C10orf88: variants seen among roughly 807,000 people sequenced by gnomAD.
C10orf88 encodes ATPase PAAT.
C10orf88 carries 29 observed loss-of-function variants against 34.2 expected under a neutral mutation model. The observed-to-expected ratio is 0.85, with a 90% confidence interval of 0.63 to 1.16. C10orf88 has a LOEUF of 1.16. Ranked by LOEUF, C10orf88 falls within the 50% of genes most tolerant of loss-of-function variation. The pLI, the probability that C10orf88 is intolerant of heterozygous loss-of-function variation, is 0.00. For missense variants in C10orf88, 507 were observed against 533.2 expected (o/e 0.95, Z 0.48); for synonymous variants, 194 against 197.4 (o/e 0.98, Z 0.15).
intron 4 of C10orf88, among the ~76,000 whole-genome samples, chr10:122,945,172 A>C (rs140358703): frequency 6.6e-6 from 1 of 151,988 alleles, no homozygotes; most frequent in South Asian, 2.1e-4. Context: ...GTGGTCCCAT[A>C]AGATTACAAT....
chr10:122,934,157 T>C (rs1848511878), intron 5 of C10orf88, among the ~76,000 whole-genome samples: 1 of 152,204 alleles, frequency 6.6e-6, no homozygotes, highest in Non-Finnish European at 1.5e-5. Context: ...AATGGTCACA[T>C]CTTATCTACC....
intron 3 of C10orf88, 107 bp downstream of exon 3, chr10:122,951,847 C>G (rs1848693043): frequency 1.0e-5 from 7 of 699,574 alleles, no homozygotes; most frequent in South Asian, 8.4e-5. Flanking sequence ...AAAAAAAAAG[C>G]AAGCAAGCAA....
At chr10:122,937,030 C>A (rs188071024) in intron 5 of C10orf88, among the ~76,000 whole-genome samples, 214 of 152,026 alleles carry the variant, frequency 1.4e-3, no homozygotes, top group Non-Finnish European at 2.1e-3. Context: ...CATCCAACTA[C>A]CTCATTTTCA....
chr10:122,934,981 G>C (rs955173416), intron 5 of C10orf88, among the ~76,000 whole-genome samples: 1 of 151,856 alleles, frequency 6.6e-6, no homozygotes, highest in African/African-American at 2.4e-5. Flanking sequence ...CTATTCTTTT[G>C]CCCATGGTTT....
At chr10:122,937,352 C>T (rs1363351624) in intron 5 of C10orf88, among the ~76,000 whole-genome samples, 5 of 151,944 alleles carry the variant, frequency 3.3e-5, no homozygotes, top group African/African-American at 1.2e-4. Flanking sequence ...GCTTAACATA[C>T]CCAGGCACAA....
chr10:122,942,976 TC>T (rs1848600498), intron 4 of C10orf88, among the ~76,000 whole-genome samples: 1 of 150,208 alleles, frequency 6.7e-6, no homozygotes, highest in Non-Finnish European at 1.5e-5. Context: ...TTCAATGCCA[TC>T]CCCATCAAGC....
chr10:122,951,926 T>C (rs146050277), intron 3 of C10orf88, 28 bp downstream of exon 3: 106 of 1,403,924 alleles, frequency 7.6e-5, no homozygotes, highest in Non-Finnish European at 6.0e-5. Context: ...AACTTAGTTG[T>C]CAAATTAGTT....
chr10:122,941,376 C>T (rs1848579733), intron 4 of C10orf88, among the ~76,000 whole-genome samples: 1 of 152,138 alleles, frequency 6.6e-6, no homozygotes, highest in Non-Finnish European at 1.5e-5. Context: ...ATTTCAGACT[C>T]ACAAAACTTG....
intron 4 of C10orf88, among the ~76,000 whole-genome samples, chr10:122,941,574 C>A (rs1589695359): frequency 6.6e-6 from 1 of 152,052 alleles, no homozygotes; most frequent in East Asian, 1.9e-4. Flanking sequence ...ATTTTATGTG[C>A]AGAAAGTTAC....
rs750250448 is a variant in C10orf88 at position 122,954,173 on chromosome 10, C to T, written c.6G>A (p.Glu2=). Residue 2 remains glutamate (E), a synonymous_variant, in exon 1 of 6, where the codon GAG becomes GAA. Coordinates refer to ENST00000481909, the MANE Select transcript of C10orf88 (RefSeq NM_024942.4). M[E]TRTEDGGLTR... is the part of the protein sequence containing the mutation. Reference sequence around the variant, plus strand: ...TGAGGCCCCCGTCCTCGGTCCGCGTCTCCATTCCGCCGCCTTCAGTCAGGC... The same window carrying T: ...TGAGGCCCCCGTCCTCGGTCCGCGTTTCCATTCCGCCGCCTTCAGTCAGGC... 1.3e-6 allele frequency: 2 copies of T among 1,566,430 alleles called. No individual in the cohort carries two copies. Among genetic ancestry groups the T allele is most frequent in the East Asian group, 2.5e-5 (1 of 40,422 alleles).
At chr10:122,941,440 G>A (rs140785281) in intron 4 of C10orf88, among the ~76,000 whole-genome samples, 144 of 152,234 alleles carry the variant, frequency 9.5e-4, no homozygotes, top group African/African-American at 3.2e-3. Flanking sequence ...CAAGGCACAG[G>A]TAAGCCAGAG....
At position 122,954,175 on chromosome 10, in the gene C10orf88, C is replaced by A; in HGVS notation, c.4G>T (p.Glu2Ter). ...AGGCCCCCGTCCTCGGTCCGCGTCT[C>A]CATTCCGCCGCCTTCAGTCAGGCCA... The part of the protein sequence containing the change: M[E>*]TRTEDGGLTR... The change falls in exon 1 of 6, where the codon GAG (glutamate) becomes TAG (stop). Residue 2 changes from glutamate to a stop codon, truncating the protein, a stop_gained. Transcript: ENST00000481909. LOFTEE classifies it high-confidence loss of function. The A allele has an allele frequency of 6.4e-7, 1 of 1,565,754 alleles. No individual in the cohort carries two copies. The highest frequency in any genetic ancestry group is 1.2e-5 in the South Asian group (1 of 85,404).
chr10:122,953,720 AC>A (rs1341625476), intron 1 of C10orf88, among the ~76,000 whole-genome samples: 1 of 152,154 alleles, frequency 6.6e-6, no homozygotes, highest in African/African-American at 2.4e-5. Context: ...AGAGGGGCGG[AC>A]TGACTTTGAC....
intron 2 of C10orf88, among the ~76,000 whole-genome samples, chr10:122,952,305 GC>G (rs1183914246): frequency 6.6e-6 from 1 of 152,170 alleles, no homozygotes; most frequent in Non-Finnish European, 1.5e-5. Flanking sequence ...TTTCCAACAT[GC>G]AGGATATAAA....
In C10orf88 at chr10:122,932,234, T is replaced by C. The variant is rs1848489691; in HGVS notation, c.*193A>G. The C allele has an allele frequency of 4.4e-6, 2 of 450,784 alleles. No homozygotes were observed. The highest frequency in any genetic ancestry group is 5.8e-5 in the South Asian group (1 of 17,290). The allele number at this position is 450,784 out of a possible 1,614,324, so 27.9% of individuals were successfully genotyped here. ...ATCGTGAGCAAAAATAATTTGACTGTATCATATTAACTCAGTGTACAGTAC... is the reference window on the plus strand; with the variant it reads ...ATCGTGAGCAAAAATAATTTGACTGCATCATATTAACTCAGTGTACAGTAC... On this transcript the variant is annotated 3_prime_UTR_variant, in exon 6 of 6. Transcript: ENST00000481909.
chr10:122,937,938 C>T lies in C10orf88; in HGVS notation c.870G>A (p.Lys290=). The T allele has an allele frequency of 6.2e-7, 1 of 1,613,386 alleles. No homozygotes were observed. Among genetic ancestry groups the T allele is most frequent in the Non-Finnish European group, 8.5e-7 (1 of 1,179,524 alleles). ...TQLPGGENST[K]LDECKVMPQN... ...GAGGCATAACTTTACACTCATCAAG[C>T]TTGGTAGAATTCTCTCCACCAGGCA... The change falls in exon 5 of 6, where the codon AAG becomes AAA. Residue 290 remains lysine, a synonymous_variant. Coordinates refer to ENST00000481909, the MANE Select transcript of C10orf88 (RefSeq NM_024942.4).
intron 2 of C10orf88, among the ~76,000 whole-genome samples, 198 bp from the exon 3 acceptor site, chr10:122,952,224 A>G (rs1315639853): frequency 6.6e-6 from 1 of 152,214 alleles, no homozygotes; most frequent in Non-Finnish European, 1.5e-5. Context: ...CAATGAGAAA[A>G]TTACATTATA....
chr10:122,941,397 C>T (rs1255853559), intron 4 of C10orf88, among the ~76,000 whole-genome samples: 2 of 152,118 alleles, frequency 1.3e-5, no homozygotes, highest in Non-Finnish European at 2.9e-5. Flanking sequence ...GCGTGTTGAA[C>T]TTTAATCAAA....
In C10orf88 at chr10:122,937,858, G is replaced by A. The variant is rs1285873591; in HGVS notation, c.950C>T (p.Pro317Leu). 1.2e-6 allele frequency: 2 copies of A among 1,612,982 alleles called. No homozygotes were observed. The highest frequency in any genetic ancestry group is 1.1e-5 in the South Asian group (1 of 91,044). Residue 317 changes from proline (P) to leucine (L), a missense_variant, in exon 5 of 6, where the codon CCA becomes CTA. By Grantham distance (98) the Pro-to-Leu change is moderately conservative (BLOSUM62 -3). Transcript: ENST00000481909. ...DLKNAMASFLPKKVSDNSNIP... is the reference protein window; with the variant it reads ...DLKNAMASFLLKKVSDNSNIP... ...ATTTGAGTTGTCACTTACTTTCTTTGGTAAGAAAGAGGCCATTGCATTTTT... is the reference window on the plus strand; with the variant it reads ...ATTTGAGTTGTCACTTACTTTCTTTAGTAAGAAAGAGGCCATTGCATTTTT...
Sources: allele counts gnomAD v4.1 joint callset (sites outside exome capture counted in the v4.1 genomes callset), GRCh38; gene constraint gnomAD v4.1.1; transcripts MANE v1.5; gene names NCBI Gene and HGNC (gene_info 2026-07-23, HGNC 2026-07-21).